The following ZC3H12B variants were observed in gnomAD, a reference collection of about 807,000 sequenced individuals.
ZC3H12B encodes the protein zinc finger CCCH-type containing 12B, also known as probable ribonuclease ZC3H12B.
In ZC3H12B, 7 loss-of-function variants were observed where a neutral mutation model predicts 43.9. That is an observed-to-expected ratio of 0.16 (90% confidence interval 0.09 to 0.30). The LOEUF is 0.30. ZC3H12B is among the 10% of genes least tolerant of loss of function. ZC3H12B has a pLI of 1.00. For missense variants in ZC3H12B, 475 were observed against 670.2 expected (o/e 0.71, Z 3.22); for synonymous variants, 222 against 241.7 (o/e 0.92, Z 0.76).
At chrX:65,140,884 C>A in the ZC3H12B span, among the ~76,000 whole-genome samples, 2 of 111,445 alleles carry the variant, frequency 1.8e-5, no homozygotes, top group African/African-American at 6.5e-5. Flanking sequence ...CACTTATGAT[C>A]CTTTGCAGTT....
the ZC3H12B span, among the ~76,000 whole-genome samples, chrX:65,157,742 C>A: frequency 1.9e-5 from 2 of 104,317 alleles, no homozygotes; most frequent in South Asian, 7.9e-4. Flanking sequence ...CTCTTTAACC[C>A]ACTTTTTCTA....
chrX:65,248,079 G>A, the ZC3H12B span, among the ~76,000 whole-genome samples: 1 of 110,987 alleles, frequency 9.0e-6, no homozygotes, highest in African/African-American at 3.3e-5. Flanking sequence ...GTCTCGCTCT[G>A]TCACCCAGTC....
the ZC3H12B span, among the ~76,000 whole-genome samples, chrX:65,125,852 T>C: frequency 3.6e-5 from 4 of 111,471 alleles, no homozygotes; most frequent in South Asian, 1.5e-3. Flanking sequence ...CTTAAGTTTA[T>C]GTGAATTCTT....
At chrX:65,256,370 T>G in the ZC3H12B span, among the ~76,000 whole-genome samples, 1 of 101,804 alleles carries the variant, frequency 9.8e-6, no homozygotes, top group Middle Eastern at 4.3e-3. Flanking sequence ...AAAATAGAAA[T>G]CAATAATAAG....
chrX:65,268,988 A>G, the ZC3H12B span, among the ~76,000 whole-genome samples: 3 of 112,418 alleles, frequency 2.7e-5, no homozygotes, highest in Admixed American at 9.4e-5. Flanking sequence ...TAAAGATAAA[A>G]AAGCCTGTTA....
At chrX:65,147,298 G>A in the ZC3H12B span, among the ~76,000 whole-genome samples, 1 of 111,704 alleles carries the variant, frequency 9.0e-6, no homozygotes, top group African/African-American at 3.3e-5. Flanking sequence ...CCTCAGGAAG[G>A]CTGATCTGGT....
the ZC3H12B span, among the ~76,000 whole-genome samples, chrX:65,211,814 A>T: frequency 3.8e-5 from 3 of 79,618 alleles, no homozygotes; most frequent in African/African-American, 1.5e-4. Flanking sequence ...TATAATATAT[A>T]ATATATATTA....
chrX:65,211,893 A>G, the ZC3H12B span, among the ~76,000 whole-genome samples: 10 of 76,590 alleles, frequency 1.3e-4, no homozygotes, highest in African/African-American at 5.4e-4. Flanking sequence ...TATGTATACT[A>G]TATAATATAT....
chrX:65,121,624 G>T, the ZC3H12B span, among the ~76,000 whole-genome samples: 1 of 111,001 alleles, frequency 9.0e-6, no homozygotes, highest in African/African-American at 3.3e-5. Flanking sequence ...TTGATTTTTT[G>T]AAGGGTTTTT....
the ZC3H12B span, among the ~76,000 whole-genome samples, chrX:65,359,158 A>G: frequency 1.3e-4 from 14 of 105,786 alleles, no homozygotes; most frequent in African/African-American, 4.4e-4. Context: ...ACTGCCTCAG[A>G]AAAAAAAAAA....
the ZC3H12B span, among the ~76,000 whole-genome samples, chrX:65,114,660 T>C: frequency 0.065 from 7,142 of 110,464 alleles, 268 homozygotes; most frequent in Admixed American, 0.096. Flanking sequence ...GATTTACTAA[T>C]TTTATTGATA....
the ZC3H12B span, among the ~76,000 whole-genome samples, chrX:65,168,559 T>A: frequency 1.8e-5 from 2 of 110,900 alleles, no homozygotes; most frequent in African/African-American, 6.6e-5. Context: ...CCACATAAAA[T>A]GAGTTAGGGA....
chrX:65,361,447 C>T, the ZC3H12B span, among the ~76,000 whole-genome samples: 1 of 111,981 alleles, frequency 8.9e-6, no homozygotes, highest in East Asian at 2.8e-4. Flanking sequence ...TCGAATAATG[C>T]CTTCAAATTG....
At chrX:65,393,690 T>C (rs980669914) in intron 2 of ZC3H12B, among the ~76,000 whole-genome samples, 1 of 112,083 alleles carries the variant, frequency 8.9e-6, no homozygotes, top group Admixed American at 9.4e-5. Context: ...AGTAGAATGA[T>C]TTATAATTCT....
intron 2 of ZC3H12B, among the ~76,000 whole-genome samples, chrX:65,384,016 T>C (rs1478195864): frequency 2.0e-5 from 2 of 97,799 alleles, no homozygotes. Context: ...ATCCCATTAC[T>C]GGGTATATAC....
At chrX:65,377,807 A>T (rs2066367756) in intron 2 of ZC3H12B, among the ~76,000 whole-genome samples, 1 of 111,719 alleles carries the variant, frequency 9.0e-6, no homozygotes, top group African/African-American at 3.3e-5. Context: ...AGCAATAAGA[A>T]ATCATCTGGA....
chrX:65,465,325 CTGGT>C (rs1479548925), intron 3 of ZC3H12B, among the ~76,000 whole-genome samples: 2 of 111,430 alleles, frequency 1.8e-5, no homozygotes, highest in African/African-American at 6.5e-5. Context: ...GTCTTCTTGA[CTGGT>C]TGATCCATTT....
the ZC3H12B span, among the ~76,000 whole-genome samples, chrX:65,338,056 A>G: frequency 8.9e-6 from 1 of 111,953 alleles, no homozygotes; most frequent in East Asian, 2.8e-4. Flanking sequence ...TGAGGTTTTG[A>G]TCCTATCCTG....
At chrX:65,083,814 A>T in the ZC3H12B span, among the ~76,000 whole-genome samples, 1 of 111,925 alleles carries the variant, frequency 8.9e-6, no homozygotes, top group Non-Finnish European at 1.9e-5. Context: ...CTAAGCAAAA[A>T]ACAGAAAACT....
Sources: allele counts gnomAD v4.1 joint callset (sites outside exome capture counted in the v4.1 genomes callset), GRCh38; gene constraint gnomAD v4.1.1; transcripts MANE v1.5; gene names NCBI Gene and HGNC (gene_info 2026-07-23, HGNC 2026-07-21).